MAD1L1: variants seen among roughly 807,000 people sequenced by gnomAD.
MAD1L1 encodes the protein mitotic arrest deficient 1 like 1.
MAD1L1 carries 95 observed loss-of-function variants against 96.9 expected under a neutral mutation model. The ratio of observed to expected loss-of-function variants is 0.98; its 90% confidence interval spans 0.83 to 1.16. The LOEUF is 1.16. MAD1L1 is among the 50% of genes most tolerant of loss of function. The pLI, the probability that MAD1L1 is intolerant of heterozygous loss-of-function variation, is 0.00. For synonymous variants in MAD1L1, 473 were observed against 396.6 expected (o/e 1.19, Z -2.29); for missense variants, 1,007 against 954.4 (o/e 1.06, Z -0.73).
intron 17 of MAD1L1, among the ~76,000 whole-genome samples, chr7:1,913,382 C>A (rs1163365635): frequency 6.6e-6 from 1 of 152,044 alleles, no homozygotes; most frequent in African/African-American, 2.4e-5. Flanking sequence ...GGTGGGGGAT[C>A]CATCAGGGCA....
At chr7:2,080,591 G>A (rs761945502) in intron 11 of MAD1L1, among the ~76,000 whole-genome samples, 9 of 131,092 alleles carry the variant, frequency 6.9e-5, no homozygotes, top group African/African-American at 2.6e-4. Context: ...CCAGGATTCC[G>A]GGGCCCCTCA....
chr7:2,124,351 G>A (rs564507211), intron 11 of MAD1L1, among the ~76,000 whole-genome samples: 8 of 152,338 alleles, frequency 5.3e-5, no homozygotes, highest in African/African-American at 7.2e-5. Flanking sequence ...GAACTACCAC[G>A]GGGCGTGGAA....
chr7:2,231,773 A>C (rs1009016956), intron 1 of MAD1L1, among the ~76,000 whole-genome samples: 1 of 152,150 alleles, frequency 6.6e-6, no homozygotes, highest in African/African-American at 2.4e-5. Context: ...TAGGTATCAG[A>C]AAGAAAGGTA....
chr7:2,070,953 C>T, intron 11 of MAD1L1, among the ~76,000 whole-genome samples: 1 of 152,100 alleles, frequency 6.6e-6, no homozygotes, highest in South Asian at 2.1e-4. Context: ...CATCCTGGGG[C>T]TGGTGGATGG....
chr7:1,833,506 G>T (rs1231708119), intron 18 of MAD1L1, among the ~76,000 whole-genome samples: 1 of 152,186 alleles, frequency 6.6e-6, no homozygotes, highest in Non-Finnish European at 1.5e-5. Context: ...GGATATAAAA[G>T]CTTCGCAAAC....
chr7:1,890,974 G>A (rs1562495454), intron 18 of MAD1L1, among the ~76,000 whole-genome samples: 1 of 152,190 alleles, frequency 6.6e-6, no homozygotes, highest in Non-Finnish European at 1.5e-5. Flanking sequence ...CCAGCAGCGG[G>A]CTCTGTGCGG....
intron 18 of MAD1L1, among the ~76,000 whole-genome samples, chr7:1,879,668 C>T (rs1167294037): frequency 6.6e-6 from 1 of 152,196 alleles, no homozygotes; most frequent in Non-Finnish European, 1.5e-5. Context: ...CTGCAGTATT[C>T]AGGATAGCAG....
At chr7:2,186,354 T>C (rs1791459273) in intron 10 of MAD1L1, among the ~76,000 whole-genome samples, 1 of 152,220 alleles carries the variant, frequency 6.6e-6, no homozygotes, top group Non-Finnish European at 1.5e-5. Flanking sequence ...CATTCTACGA[T>C]GGAATAATGG....
At chr7:1,891,018 G>C (rs543659724) in intron 18 of MAD1L1, among the ~76,000 whole-genome samples, 1 of 152,188 alleles carries the variant, frequency 6.6e-6, no homozygotes, top group South Asian at 2.1e-4. Context: ...GCCAGAAAGC[G>C]GGCTCTGCGC....
chr7:1,819,354 C>T (rs1195848360), intron 18 of MAD1L1, among the ~76,000 whole-genome samples: 4 of 152,136 alleles, frequency 2.6e-5, no homozygotes, highest in African/African-American at 7.2e-5. Context: ...ACATAGCGGC[C>T]CTGTGGCTGG....
At chr7:2,222,472 G>A (rs749965880) in intron 5 of MAD1L1, 103 bp downstream of exon 5, 16 of 1,019,638 alleles carry the variant, frequency 1.6e-5, no homozygotes, top group African/African-American at 1.6e-5. Context: ...GCCCGTGTGG[G>A]AAGCACAAGT....
At chr7:2,211,282 T>TAGGG (rs1280482185) in intron 10 of MAD1L1, among the ~76,000 whole-genome samples, 1 of 151,974 alleles carries the variant, frequency 6.6e-6, no homozygotes, top group East Asian at 1.9e-4. Flanking sequence ...CAGCATGCCC[T>TAGGG]CATGCTGGCC....
At chr7:1,957,926 G>A (rs1292165920) in intron 15 of MAD1L1, among the ~76,000 whole-genome samples, 1 of 152,238 alleles carries the variant, frequency 6.6e-6, no homozygotes, top group Non-Finnish European at 1.5e-5. Context: ...GGGAGTCCGT[G>A]GCGGCCCCTG....
intron 18 of MAD1L1, among the ~76,000 whole-genome samples, chr7:1,857,279 T>C (rs2128644928): frequency 6.6e-6 from 1 of 152,290 alleles, no homozygotes; most frequent in East Asian, 1.9e-4. Flanking sequence ...GTGCGATGAC[T>C]TTCCACAGCC....
chr7:2,131,196 C>T (rs993915090), intron 11 of MAD1L1, among the ~76,000 whole-genome samples: 3 of 152,160 alleles, frequency 2.0e-5, no homozygotes, highest in East Asian at 1.9e-4. Flanking sequence ...ACCCTGCACA[C>T]GATAAACACT....
chr7:1,941,918 G>C (rs376239975), intron 16 of MAD1L1, among the ~76,000 whole-genome samples: 1 of 152,124 alleles, frequency 6.6e-6, no homozygotes, highest in South Asian at 2.1e-4. Flanking sequence ...GCACCTAGTC[G>C]TCTTTCTGTA....
At chr7:2,206,945 G>C (rs906133507) in intron 10 of MAD1L1, among the ~76,000 whole-genome samples, 5 of 152,110 alleles carry the variant, frequency 3.3e-5, no homozygotes, top group African/African-American at 4.8e-5. Flanking sequence ...GCCAAGCATG[G>C]TGGTCCATGC....
intron 9 of MAD1L1, among the ~76,000 whole-genome samples, chr7:2,213,872 C>T (rs930071263): frequency 6.6e-5 from 10 of 152,240 alleles, no homozygotes; most frequent in Admixed American, 2.0e-4. Flanking sequence ...GTGAGTCTCA[C>T]GGCCCTTCTA....
chr7:1,940,380 G>T (rs1778893274), intron 16 of MAD1L1: 1 of 152,284 alleles, frequency 6.6e-6, no homozygotes, highest in Non-Finnish European at 1.5e-5. Context: ...TCTTGGGGTT[G>T]AAAGGATTGC....
Sources: allele counts gnomAD v4.1 joint callset (sites outside exome capture counted in the v4.1 genomes callset), GRCh38; gene constraint gnomAD v4.1.1; transcripts MANE v1.5; gene names NCBI Gene and HGNC (gene_info 2026-07-23, HGNC 2026-07-21).